ERICH1: variants seen among roughly 807,000 people sequenced by gnomAD.
ERICH1 encodes glutamate rich 1, also known as glutamate-rich protein 1.
ERICH1 carries 56 observed loss-of-function variants against 39.6 expected under a neutral mutation model. The ratio of observed to expected loss-of-function variants is 1.41; its 90% confidence interval spans 1.14 to 1.77. The LOEUF (loss-of-function observed/expected upper bound fraction) is 1.77, where lower values mean the gene tolerates loss of function less well. Among genes scored for constraint, ERICH1 ranks in the 40% most tolerant of loss-of-function variants. The pLI, the probability that ERICH1 is intolerant of heterozygous loss-of-function variation, is 0.00. For missense variants in ERICH1, 826 were observed against 575.4 expected (o/e 1.44, Z -4.45); for synonymous variants, 313 against 223.6 (o/e 1.40, Z -3.57).
At chr8:685,008 A>T (rs538835266) in intron 3 of ERICH1, among the ~76,000 whole-genome samples, 2 of 152,374 alleles carry the variant, frequency 1.3e-5, no homozygotes, top group South Asian at 4.1e-4. Context: ...AACAGGGTTC[A>T]AGAGCAGAGA....
chr8:709,436 G>A (rs1814191055), intron 2 of ERICH1, among the ~76,000 whole-genome samples: 1 of 152,174 alleles, frequency 6.6e-6, no homozygotes, highest in African/African-American at 2.4e-5. Flanking sequence ...TCCTGATTCT[G>A]TATTGGCACC....
Position 664,624 on chromosome 8 carries a change from A to G in ERICH1, c.1311T>C (p.Leu437=). The G allele has an allele frequency of 6.2e-7, 1 of 1,612,740 alleles. No homozygotes were observed. Among genetic ancestry groups the G allele is most frequent in the East Asian group, 2.2e-5 (1 of 44,852 alleles). ...CATTTTAGTCACTGCTCTTCTCAGGAAGGATATGTGTGATCCAGTAACTAA... is the reference window on the plus strand; with the variant it reads ...CATTTTAGTCACTGCTCTTCTCAGGGAGGATATGTGTGATCCAGTAACTAA... The part of the protein sequence containing the change: ...AFFSYWITHI[L]PEKSSD The change falls in exon 6 of 6, where the codon CTT becomes CTC. Residue 437 remains leucine (L), a synonymous_variant. Coordinates refer to ENST00000262109, the MANE Select transcript of ERICH1 (RefSeq NM_207332.3).
intron 3 of ERICH1, among the ~76,000 whole-genome samples, chr8:629,301 C>T (rs143043747): frequency 1.2e-3 from 177 of 152,082 alleles, no homozygotes; most frequent in African/African-American, 4.2e-3. Context: ...TGACTCACAC[C>T]CTCCCGTGAC....
chr8:693,402 C>G (rs1008717312), intron 2 of ERICH1, among the ~76,000 whole-genome samples: 1 of 152,234 alleles, frequency 6.6e-6, no homozygotes, highest in Admixed American at 6.5e-5. Flanking sequence ...AATCTGCATA[C>G]TTTTAATGGC....
chr8:654,437 G>C (rs576259013), intron 3 of ERICH1, among the ~76,000 whole-genome samples: 76 of 152,276 alleles, frequency 5.0e-4, no homozygotes, highest in Admixed American at 1.8e-3. Context: ...ACGGTGCTGG[G>C]GAGGGCTGTT....
intron 2 of ERICH1, among the ~76,000 whole-genome samples, chr8:705,653 A>T (rs74570338): frequency 7.0e-6 from 1 of 142,594 alleles, no homozygotes; most frequent in East Asian, 2.3e-4. Context: ...TTTTGTCAAC[A>T]TCGTATTAGA....
chr8:677,938 A>T (rs1051205415), intron 3 of ERICH1, among the ~76,000 whole-genome samples: 5 of 151,886 alleles, frequency 3.3e-5, no homozygotes, highest in African/African-American at 1.2e-4. Flanking sequence ...CCAGTGTCGT[A>T]CCCCGGGGTC....
chr8:619,593 TA>T (rs1477063959), intron 3 of ERICH1, among the ~76,000 whole-genome samples: 1 of 152,142 alleles, frequency 6.6e-6, no homozygotes, highest in Non-Finnish European at 1.5e-5. Flanking sequence ...ATAAGGAGAT[TA>T]ATATAACAAA....
chr8:660,836 C>T (rs925581536), downstream of ERICH1, among the ~76,000 whole-genome samples: 2 of 152,040 alleles, frequency 1.3e-5, no homozygotes, highest in African/African-American at 2.4e-5. Flanking sequence ...GTCTCGTTGC[C>T]GGCCATGAGC....
At chr8:694,654 G>C (rs1055981746) in intron 2 of ERICH1, among the ~76,000 whole-genome samples, 1 of 152,214 alleles carries the variant, frequency 6.6e-6, no homozygotes, top group Non-Finnish European at 1.5e-5. Context: ...AGCACCACGA[G>C]GGGCCTCACG....
chr8:657,761 G>A (rs889302412), intron 3 of ERICH1, among the ~76,000 whole-genome samples: 1 of 151,954 alleles, frequency 6.6e-6, no homozygotes, highest in East Asian at 1.9e-4. Context: ...TTAAATTAAA[G>A]GACTCAGTAA....
At chr8:685,134 C>T (rs1189843336) in intron 3 of ERICH1, among the ~76,000 whole-genome samples, 5 of 152,190 alleles carry the variant, frequency 3.3e-5, no homozygotes, top group Non-Finnish European at 7.3e-5. Context: ...GGCAGACACC[C>T]CCAGAGCGGC....
At chr8:621,489 G>T (rs932028069) in intron 3 of ERICH1, among the ~76,000 whole-genome samples, 6 of 151,370 alleles carry the variant, frequency 4.0e-5, no homozygotes, top group Admixed American at 1.3e-4. Context: ...TCAACTATAT[G>T]TTAATAAAAA....
At position 724,812 on chromosome 8, in the gene ERICH1, G is replaced by A. The variant is rs1818197524; in HGVS notation, c.22+6328C>T. 2.0e-5 allele frequency among the ~76,000 whole-genome samples: 3 copies of A among 152,206 alleles called. No individual in the cohort carries two copies. The South Asian group carries it at 6.2e-4, about 31-fold the overall frequency. ...AAGCCCCGTGTTGTTTGCACGGGCA[G>A]GTTACGCTCACTGAGGAACGCTATC... On this transcript the variant is annotated intron_variant, in intron 1 of 5. Coordinates refer to ENST00000262109, the MANE Select transcript of ERICH1 (RefSeq NM_207332.3).
At chr8:669,068 C>T (rs1802761818) in intron 4 of ERICH1, 1 of 445,850 alleles carries the variant, frequency 2.2e-6, no homozygotes, top group Admixed American at 4.1e-5. Context: ...GACGCCTCCC[C>T]TGGCCCGTCT....
rs577797949 is a variant in ERICH1 at position 711,306 on chromosome 8, C to T, written c.169+4555G>A. Among the ~76,000 whole-genome samples, 15 of 152,172 alleles carry T rather than the reference C, an allele frequency of 9.9e-5. No homozygotes were observed. The South Asian group carries it at 1.0e-3, about 11-fold the overall frequency. On this transcript the variant is annotated intron_variant, in intron 2 of 5. Transcript: ENST00000262109. ...TCTTCATTCTCTTGACAATGTCATT[C>T]GCAGAGCACAAGATTTTAATTTTAA...
chr8:700,067 T>C (rs371592655), intron 2 of ERICH1, among the ~76,000 whole-genome samples: 6 of 29,662 alleles, frequency 2.0e-4, no homozygotes, highest in Non-Finnish European at 3.2e-4. Context: ...GCACAGGCCC[T>C]CACAGGCGCA....
chr8:627,259 C>T, intron 3 of ERICH1: 1 of 455,940 alleles, frequency 2.2e-6, no homozygotes. Flanking sequence ...GAGATAAGAA[C>T]ACTTACCTTA....
intron 1 of ERICH1, among the ~76,000 whole-genome samples, chr8:727,425 G>C (rs1819030476): frequency 6.6e-6 from 1 of 152,320 alleles, no homozygotes; most frequent in East Asian, 1.9e-4. Context: ...GAAGATGACA[G>C]GGAGATGGTG....
Sources: gnomAD v4.1 joint callset for allele counts (sites outside exome capture counted in the v4.1 genomes callset) on GRCh38, gnomAD v4.1.1 for gene constraint, MANE v1.5 for transcripts, NCBI Gene and HGNC (gene_info 2026-07-23, HGNC 2026-07-21) for gene names.